The following ADK variants were observed in gnomAD, a reference collection of about 807,000 sequenced individuals.
ADK encodes the protein N6,N6-dimethyladenosine kinase.
A neutral mutation model predicts 44.7 loss-of-function variants in ADK; 24 were observed. The ratio of observed to expected loss-of-function variants is 0.54; its 90% CI spans 0.39 to 0.76. The LOEUF (loss-of-function observed/expected upper bound fraction) is 0.76. ADK is among the 30% of genes least tolerant of loss of function. The pLI, the probability that ADK is intolerant of heterozygous loss-of-function variation, is 0.00. For missense variants in ADK, 321 were observed against 425.1 expected, an observed-to-expected ratio of 0.76 and a Z score of 2.15; for synonymous variants, 128 against 142.6, an observed-to-expected ratio of 0.90 and a Z score of 0.73.
intron 8 of ADK, among the ~76,000 whole-genome samples, chr10:74,595,315 T>C (rs1186086666): frequency 2.0e-5 from 3 of 150,370 alleles, no homozygotes; most frequent in Non-Finnish European, 4.4e-5. Flanking sequence ...TCACACATTC[T>C]AACATGTTGG....
chr10:74,564,958 C>T (rs1850598929), intron 7 of ADK, among the ~76,000 whole-genome samples: 1 of 152,098 alleles, frequency 6.6e-6, no homozygotes, highest in South Asian at 2.1e-4. Context: ...CTTCTTAGGA[C>T]ATGAACATCT....
Position 74,618,595 on chromosome 10 carries a change from C to A in ADK, c.877+18102C>A, listed in dbSNP as rs183647460. On this transcript the variant is annotated intron_variant, in intron 9 of 10. Transcript: ENST00000539909. Reference sequence around the variant, plus strand: ...TGAGCCATCGTGCCCAGCCTGAATTCTCAGTTTTTGTTTGTCTGAAAGTTT... The same window carrying A: ...TGAGCCATCGTGCCCAGCCTGAATTATCAGTTTTTGTTTGTCTGAAAGTTT... Among the ~76,000 whole-genome samples, 767 of 152,168 alleles carry A rather than the reference C, an allele frequency of 5.0e-3. 8 individuals are homozygous for A. The highest frequency in any genetic ancestry group is 0.018 in the African/African-American group (730 of 41,544).
intron 3 of ADK, among the ~76,000 whole-genome samples, chr10:74,249,496 TACACACACACAC>T (rs72380023): frequency 2.0e-5 from 3 of 149,058 alleles, no homozygotes; most frequent in South Asian, 2.1e-4. Context: ...TGTACATGCA[TACACACACACAC>T]ACACACACAC....
At chr10:74,459,720 T>C in intron 6 of ADK, among the ~76,000 whole-genome samples, 1 of 98,856 alleles carries the variant, frequency 1.0e-5, no homozygotes, top group African/African-American at 3.7e-5. Flanking sequence ...AGAGCAAGAC[T>C]CCATCTCAAA....
At chr10:74,219,109 G>A (rs1313925980) in intron 2 of ADK, among the ~76,000 whole-genome samples, 2 of 152,184 alleles carry the variant, frequency 1.3e-5, no homozygotes, top group Non-Finnish European at 2.9e-5. Context: ...TCAGTGTGTT[G>A]TATTCAGGAA....
chr10:74,409,614 G>C (rs1472070009), intron 6 of ADK, among the ~76,000 whole-genome samples: 2 of 151,880 alleles, frequency 1.3e-5, no homozygotes, highest in African/African-American at 4.8e-5. Flanking sequence ...TTATAACTCT[G>C]TCTTGACCAC....
At chr10:74,559,569 A>G (rs940506810) in intron 7 of ADK, among the ~76,000 whole-genome samples, 5 of 152,212 alleles carry the variant, frequency 3.3e-5, no homozygotes, top group African/African-American at 9.6e-5. Context: ...TGAACTGCCA[A>G]TTCTTAGTAA....
At chr10:74,577,856 A>G (rs1185698401) in intron 7 of ADK, among the ~76,000 whole-genome samples, 3 of 152,204 alleles carry the variant, frequency 2.0e-5, no homozygotes, top group Non-Finnish European at 4.4e-5. Flanking sequence ...AGAACATCTC[A>G]CACCTTACTC....
chr10:74,494,380 G>A (rs1189871422), intron 6 of ADK, among the ~76,000 whole-genome samples: 3 of 151,970 alleles, frequency 2.0e-5, no homozygotes, highest in African/African-American at 7.3e-5. Context: ...TGATAAATCA[G>A]TTTTCAGCAT....
At chr10:74,543,539 A>G (rs1259827837) in intron 7 of ADK, among the ~76,000 whole-genome samples, 3 of 152,334 alleles carry the variant, frequency 2.0e-5, no homozygotes, top group South Asian at 4.1e-4. Context: ...ATTCCTTGAA[A>G]TGGAATTGTT....
chr10:74,485,117 CAT>C (rs1429051738), intron 6 of ADK, among the ~76,000 whole-genome samples: 6 of 151,920 alleles, frequency 3.9e-5, no homozygotes, highest in Non-Finnish European at 5.9e-5. Context: ...TAGGAGAAGA[CAT>C]GTGTGACACA....
chr10:74,704,242 A>G (rs1038340245), intron 10 of ADK, among the ~76,000 whole-genome samples: 1 of 152,070 alleles, frequency 6.6e-6, no homozygotes, highest in African/African-American at 2.4e-5. Flanking sequence ...GTGATGAAAA[A>G]CTTCTAAAAA....
intron 2 of ADK, among the ~76,000 whole-genome samples, chr10:74,221,167 CAA>C (rs1441947607): frequency 6.6e-6 from 1 of 151,302 alleles, no homozygotes; most frequent in Non-Finnish European, 1.5e-5. Context: ...GCAACTTCAG[CAA>C]AGTCTCAGGA....
At chr10:74,617,147 A>G (rs1318526403) in intron 9 of ADK, among the ~76,000 whole-genome samples, 1 of 152,136 alleles carries the variant, frequency 6.6e-6, no homozygotes, top group Admixed American at 6.5e-5. Context: ...TGCTTTTCCA[A>G]TTCTCATACA....
chr10:74,698,750 A>T (rs949388478), intron 10 of ADK, among the ~76,000 whole-genome samples: 2 of 151,874 alleles, frequency 1.3e-5, no homozygotes, highest in Non-Finnish European at 2.9e-5. Context: ...GTAGGGACGG[A>T]ATTTTGCCAT....
intron 7 of ADK, among the ~76,000 whole-genome samples, chr10:74,549,313 T>C (rs1486465541): frequency 2.6e-5 from 4 of 152,224 alleles, no homozygotes; most frequent in Non-Finnish European, 5.9e-5. Flanking sequence ...TTTGAAATCT[T>C]CATTCATTCA....
intron 4 of ADK, among the ~76,000 whole-genome samples, chr10:74,333,939 A>G (rs1841320897): frequency 6.6e-6 from 1 of 152,150 alleles, no homozygotes; most frequent in African/African-American, 2.4e-5. Flanking sequence ...TTTCTAGAAA[A>G]GAAATTCTTT....
At chr10:74,214,255 C>T (rs981654253) in intron 2 of ADK, among the ~76,000 whole-genome samples, 2 of 151,650 alleles carry the variant, frequency 1.3e-5, no homozygotes, top group Non-Finnish European at 2.9e-5. Context: ...AATGGTTTTG[C>T]CCCCCCATTT....
intron 3 of ADK, among the ~76,000 whole-genome samples, chr10:74,294,394 C>G (rs1007462518): frequency 6.6e-6 from 1 of 151,786 alleles, no homozygotes; most frequent in South Asian, 2.1e-4. Flanking sequence ...TCAAGTGATT[C>G]TCCTATCTCA....
Sources: allele counts gnomAD v4.1 joint callset (sites outside exome capture counted in the v4.1 genomes callset), GRCh38; gene constraint gnomAD v4.1.1; transcripts MANE v1.5; gene names NCBI Gene and HGNC (gene_info 2026-07-23, HGNC 2026-07-21).